Variants in CLVS1 observed in about 807,000 individuals in gnomAD.
The protein encoded by CLVS1 is clavesin-1.
A neutral mutation model predicts 33.1 loss-of-function variants in CLVS1; 10 were observed. The observed-to-expected ratio is 0.30, with a 90% CI of 0.19 to 0.51. The LOEUF (loss-of-function observed/expected upper bound fraction) is 0.51. Among genes scored for constraint, CLVS1 ranks in the 20% least tolerant of loss-of-function variants. The probability of loss-of-function intolerance (pLI) is 0.97; values close to 1 mark genes in which losing one functional copy is unlikely to be tolerated. For missense variants in CLVS1, 343 were observed against 433.4 expected, an observed-to-expected ratio of 0.79 and a Z score of 1.85; for synonymous variants, 163 against 166.1, an observed-to-expected ratio of 0.98 and a Z score of 0.14.
Position 61,160,625 on chromosome 8 carries a change from T to C in CLVS1, c.-152+28765T>C, listed in dbSNP as rs1308133598. ...ATTACCTCTTCTTGTTAAGAGATTT[T>C]TTTTTTCCTGAGATTAATTAGTAGC... On this transcript the variant is annotated intron_variant, in intron 2 of 2. Transcript: ENST00000522621. Among the ~76,000 whole-genome samples the C allele has an allele frequency of 2.0e-5, 3 of 152,216 alleles. No individual in the cohort carries two copies. In the East Asian group the frequency reaches 5.8e-4, roughly 29 times the overall value.
chr8:61,370,037 G>GCAAGACA (rs1813368437), intron 2 of CLVS1, among the ~76,000 whole-genome samples: 1 of 152,140 alleles, frequency 6.6e-6, no homozygotes, highest in Non-Finnish European at 1.5e-5. Context: ...GGGATGCAAT[G>GCAAGACA]TTTTGCACCT....
At chr8:61,053,658 C>T (rs536882154), upstream of CLVS1, among the ~76,000 whole-genome samples, 3 of 152,216 alleles carry the variant, frequency 2.0e-5, no homozygotes, top group East Asian at 1.9e-4. Context: ...GGTTCAGAGA[C>T]GGGACATGTG....
chr8:61,258,996 T>TA (rs1156886828), intron 2 of CLVS1, among the ~76,000 whole-genome samples: 1 of 152,150 alleles, frequency 6.6e-6, no homozygotes, highest in Admixed American at 6.6e-5. Flanking sequence ...TTCCAATGTC[T>TA]AAAAAATTGC....
At chr8:61,354,153 A>C (rs1262756333) in intron 2 of CLVS1, among the ~76,000 whole-genome samples, 1 of 152,094 alleles carries the variant, frequency 6.6e-6, no homozygotes, top group Non-Finnish European at 1.5e-5. Context: ...GAATTTTACA[A>C]ATATTTTAAG....
chr8:61,482,399 A>G (rs1818228583), intron 5 of CLVS1, among the ~76,000 whole-genome samples: 1 of 152,254 alleles, frequency 6.6e-6, no homozygotes, highest in Admixed American at 6.5e-5. Context: ...CATAATAACA[A>G]ACTTCTCCGA....
intron 5 of CLVS1, among the ~76,000 whole-genome samples, chr8:61,487,643 A>G (rs3920015): frequency 0.55 from 83,299 of 152,118 alleles, 26,534 homozygotes; most frequent in Non-Finnish European, 0.71. Context: ...TGAAAAGCAA[A>G]TTCCTCCATC....
At chr8:61,284,306 TA>T (rs1809733280), upstream of CLVS1, among the ~76,000 whole-genome samples, 2 of 152,328 alleles carry the variant, frequency 1.3e-5, no homozygotes, top group African/African-American at 4.8e-5. Context: ...TCCACTGCTA[TA>T]GCAGAATGAC....
At chr8:61,166,724 C>A (rs1175532055) in intron 2 of CLVS1, among the ~76,000 whole-genome samples, 1 of 151,944 alleles carries the variant, frequency 6.6e-6, no homozygotes, top group Non-Finnish European at 1.5e-5. Flanking sequence ...GAAACTACCC[C>A]CTTTAAAATG....
intron 2 of CLVS1, among the ~76,000 whole-genome samples, chr8:61,260,541 G>A (rs1456201642): frequency 6.6e-6 from 1 of 152,120 alleles, no homozygotes; most frequent in Non-Finnish European, 1.5e-5. Flanking sequence ...CTCCATACCA[G>A]GGCTCCATCA....
At chr8:61,400,001 T>A (rs759630796) in intron 3 of CLVS1, among the ~76,000 whole-genome samples, 8 of 152,302 alleles carry the variant, frequency 5.3e-5, no homozygotes, top group Non-Finnish European at 1.0e-4. Flanking sequence ...TTGCTTAGGA[T>A]TGTCTTGGCT....
In CLVS1 at chr8:61,381,634, T is replaced by G. The variant is rs146342897; in HGVS notation, c.630+4855T>G. 3.7e-4 allele frequency among the ~76,000 whole-genome samples: 56 copies of G among 152,252 alleles called. No individual in the cohort carries two copies. In the East Asian group the frequency reaches 8.3e-3, roughly 23 times the overall value. On this transcript the variant is annotated intron_variant, in intron 3 of 5. Coordinates refer to ENST00000325897, the MANE Select transcript of CLVS1 (RefSeq NM_173519.3). ...GTCCTGGTGTCTATTATTCCCTTCT[T>G]TGTGTCTATGTGTACTCAGTGTTTA...
At chr8:61,240,559 T>A (rs1411093015) in intron 2 of CLVS1, among the ~76,000 whole-genome samples, 1 of 152,222 alleles carries the variant, frequency 6.6e-6, no homozygotes, top group East Asian at 1.9e-4. Flanking sequence ...TATGCTGCAG[T>A]AAAGGCAAGA....
At chr8:61,456,984 C>T (rs1248173431) in intron 4 of CLVS1, among the ~76,000 whole-genome samples, 1 of 151,110 alleles carries the variant, frequency 6.6e-6, no homozygotes, top group Non-Finnish European at 1.5e-5. Flanking sequence ...GTTGCCCAGG[C>T]TGGAGTGCAG....
At chr8:61,301,400 G>T (rs1810426981) in intron 2 of CLVS1, among the ~76,000 whole-genome samples, 2 of 152,096 alleles carry the variant, frequency 1.3e-5, no homozygotes, top group Non-Finnish European at 2.9e-5. Flanking sequence ...GCCTACTGAT[G>T]CATCTTTATG....
At position 61,288,007 on chromosome 8, in the gene CLVS1, G is replaced by A; in HGVS notation, c.-283G>A. 2.4e-6 allele frequency: 1 copy of A among 423,300 alleles called. No individual in the cohort carries two copies. The highest frequency in any genetic ancestry group is 2.5e-5 in the Admixed American group (1 of 40,284). The allele number at this position is 423,300 out of a possible 1,614,324, so 26.2% of individuals were successfully genotyped here. On this transcript the variant is annotated 5_prime_UTR_variant, in exon 1 of 6. Transcript: ENST00000325897. ...AATCACAGCCCCTTGTGGAGCCCGA[G>A]CTCTCATTCACAGCTTTCTAGAGAA...
intron 2 of CLVS1, among the ~76,000 whole-genome samples, chr8:61,361,133 C>A (rs1812958917): frequency 6.6e-6 from 1 of 152,148 alleles, no homozygotes; most frequent in African/African-American, 2.4e-5. Flanking sequence ...CACCAGGACA[C>A]CACCAAGGGG....
intron 2 of CLVS1, among the ~76,000 whole-genome samples, chr8:61,213,341 G>A (rs1023420975): frequency 7.0e-6 from 1 of 142,456 alleles, no homozygotes; most frequent in Admixed American, 7.0e-5. Context: ...GGTGATCCCC[G>A]CCTCAACCTC....
At chr8:61,042,917 T>G in the CLVS1 span, among the ~76,000 whole-genome samples, 1 of 152,212 alleles carries the variant, frequency 6.6e-6, no homozygotes, top group Non-Finnish European at 1.5e-5. Flanking sequence ...ATGTATACTG[T>G]AGGAATTCCT....
intron 1 of CLVS1, among the ~76,000 whole-genome samples, chr8:61,081,701 G>A (rs975440097): frequency 5.9e-5 from 9 of 152,330 alleles, no homozygotes; most frequent in African/African-American, 2.2e-4. Flanking sequence ...CACAGTCACA[G>A]CAAGAAAAAA....
Sources: gnomAD v4.1 joint callset for allele counts (sites outside exome capture counted in the v4.1 genomes callset) on GRCh38, gnomAD v4.1.1 for gene constraint, MANE v1.5 for transcripts, NCBI Gene and HGNC (gene_info 2026-07-23, HGNC 2026-07-21) for gene names.